The following ADRA1B variants were observed in gnomAD, a reference collection of about 807,000 sequenced individuals.
The protein encoded by ADRA1B is adrenoceptor alpha 1B.
In ADRA1B, 17 loss-of-function variants were observed where a neutral mutation model predicts 17.9. The observed-to-expected ratio is 0.95, with a 90% confidence interval of 0.65 to 1.42. The LOEUF is 1.42. ADRA1B is among the 40% of genes most tolerant of loss of function. The pLI, the probability that ADRA1B is intolerant of heterozygous loss-of-function variation, is 0.00. For synonymous variants in ADRA1B, 366 were observed against 327.6 expected (o/e 1.12, Z -1.27); for missense variants, 681 against 722.1 (o/e 0.94, Z 0.65).
the ADRA1B span, among the ~76,000 whole-genome samples, chr5:159,980,815 A>G: frequency 1.3e-5 from 2 of 152,150 alleles, no homozygotes; most frequent in Non-Finnish European, 2.9e-5. Flanking sequence ...ATTAGCCATC[A>G]GGAAAGCGCA....
chr5:159,949,324 A>G (rs111243033), intron 1 of ADRA1B, among the ~76,000 whole-genome samples: 2 of 152,214 alleles, frequency 1.3e-5, no homozygotes, highest in African/African-American at 4.8e-5. Flanking sequence ...TGCATGCAAC[A>G]TGGTTCCTGA....
chr5:159,911,130 A>G (rs1454959261), intron 1 of ADRA1B, among the ~76,000 whole-genome samples: 1 of 152,200 alleles, frequency 6.6e-6, no homozygotes, highest in Non-Finnish European at 1.5e-5. Context: ...CCTTCAAACA[A>G]GACTGCAACT....
At chr5:159,918,320 C>T (rs576182132) in intron 1 of ADRA1B, among the ~76,000 whole-genome samples, 1 of 152,308 alleles carries the variant, frequency 6.6e-6, no homozygotes, top group East Asian at 1.9e-4. Context: ...TCAGCATTTC[C>T]AGGGCTAGAG....
chr5:159,971,855 T>TGGGGGGGGGGGGGGGGGGGGGGGGGGG, intron 1 of ADRA1B, 24 bp from the exon 2 acceptor site: 1 of 435,068 alleles, frequency 2.3e-6, no homozygotes. Flanking sequence ...TTTCTGCCCG[T>TGGGGGGGGGGGGGGGGGGGGGGGGGGG]GCCCACCCCC....
chr5:159,943,436 A>G (rs1755188465), intron 1 of ADRA1B, among the ~76,000 whole-genome samples: 1 of 152,176 alleles, frequency 6.6e-6, no homozygotes. Context: ...GCTGAAAGTA[A>G]ACCCACGGGG....
At chr5:159,880,386 T>G (rs1753850312) in intron 1 of ADRA1B, among the ~76,000 whole-genome samples, 1 of 152,146 alleles carries the variant, frequency 6.6e-6, no homozygotes, top group South Asian at 2.1e-4. Context: ...AGTGCAAGAG[T>G]TTCCCATCCC....
intron 1 of ADRA1B, chr5:159,950,767 A>G: frequency 1.6e-6 from 1 of 623,934 alleles, no homozygotes; most frequent in Non-Finnish European, 3.0e-6. Flanking sequence ...ACGGCAGGTG[A>G]GGTCCATGAC....
intron 1 of ADRA1B, among the ~76,000 whole-genome samples, chr5:159,889,545 C>A (rs1187952165): frequency 6.6e-6 from 1 of 152,124 alleles, no homozygotes; most frequent in African/African-American, 2.4e-5. Context: ...CTCCATCAAT[C>A]AGAGGAGCTA....
chr5:159,866,099 G>A (rs1753649542), intron 1 of ADRA1B, among the ~76,000 whole-genome samples: 1 of 152,102 alleles, frequency 6.6e-6, no homozygotes, highest in Admixed American at 6.5e-5. Flanking sequence ...ACAAGATAAT[G>A]ATGCCCAGCC....
intron 1 of ADRA1B, among the ~76,000 whole-genome samples, chr5:159,905,090 G>A (rs1754145523): frequency 6.6e-6 from 1 of 152,222 alleles, no homozygotes; most frequent in South Asian, 2.1e-4. Context: ...AGGCCTGTAG[G>A]AAATAGGACA....
At chr5:159,913,569 G>A (rs1229347408), upstream of ADRA1B, among the ~76,000 whole-genome samples, 1 of 152,200 alleles carries the variant, frequency 6.6e-6, no homozygotes, top group Admixed American at 6.5e-5. Context: ...TCCACATCCT[G>A]ACACCTGAAT....
At chr5:159,976,781 G>C (rs529758509), downstream of ADRA1B, among the ~76,000 whole-genome samples, 2 of 152,266 alleles carry the variant, frequency 1.3e-5, no homozygotes, top group Admixed American at 6.5e-5. Context: ...ACCAAAATGG[G>C]TAAGGGAAGC....
chr5:159,945,263 A>G (rs938987224), intron 1 of ADRA1B, among the ~76,000 whole-genome samples: 12 of 152,096 alleles, frequency 7.9e-5, no homozygotes, highest in African/African-American at 2.7e-4. Flanking sequence ...GAGGTGGGAC[A>G]ATTGCTTCAA....
At chr5:159,922,089 G>A (rs1199538183) in intron 1 of ADRA1B, among the ~76,000 whole-genome samples, 1 of 152,148 alleles carries the variant, frequency 6.6e-6, no homozygotes, top group African/African-American at 2.4e-5. Context: ...TACATGCCAG[G>A]CACTGTACCA....
At chr5:159,974,932 T>C (rs1335916927), downstream of ADRA1B, among the ~76,000 whole-genome samples, 2 of 152,178 alleles carry the variant, frequency 1.3e-5, no homozygotes, top group Non-Finnish European at 2.9e-5. Flanking sequence ...TTCTGCCTCT[T>C]TGTCCAGTAC....
chr5:159,948,577 T>G (rs1353730636), intron 1 of ADRA1B: 1 of 579,856 alleles, frequency 1.7e-6, no homozygotes, highest in Non-Finnish European at 2.2e-6. Flanking sequence ...AAGCCACCCC[T>G]TAAACATAAC....
intron 1 of ADRA1B, among the ~76,000 whole-genome samples, chr5:159,932,308 C>A (rs1455318146): frequency 6.6e-6 from 1 of 152,036 alleles, no homozygotes; most frequent in East Asian, 1.9e-4. Flanking sequence ...AGGTGTGCAC[C>A]ACCACACCCA....
At position 159,950,621 on chromosome 5, in the gene ADRA1B, T is replaced by G. The variant is rs1755409259; in HGVS notation, c.950-21258T>G. The G allele has an allele frequency of 8.1e-6, 7 of 867,474 alleles. No individual in the cohort carries two copies. In the Admixed American group the frequency reaches 1.2e-4, roughly 15 times the overall value. The allele number at this position is 867,474 out of a possible 1,614,324, so 53.7% of individuals were successfully genotyped here. Reference sequence around the variant, plus strand: ...GCAATGCCGGCCCCAGCATCAAAGGTGGAGGAGTGGGTGTCTCTGTTGAAG... The same window carrying G: ...GCAATGCCGGCCCCAGCATCAAAGGGGGAGGAGTGGGTGTCTCTGTTGAAG... On this transcript the variant is annotated intron_variant, in intron 1 of 1. Coordinates refer to ENST00000306675, the MANE Select transcript of ADRA1B (RefSeq NM_000679.4).
intron 1 of ADRA1B, among the ~76,000 whole-genome samples, chr5:159,908,903 A>C (rs1754195086): frequency 6.6e-6 from 1 of 152,170 alleles, no homozygotes; most frequent in African/African-American, 2.4e-5. Flanking sequence ...TTCACACCTC[A>C]TAGCTAATTG....
Sources: gnomAD v4.1 joint callset for allele counts (sites outside exome capture counted in the v4.1 genomes callset) on GRCh38, gnomAD v4.1.1 for gene constraint, MANE v1.5 for transcripts, NCBI Gene and HGNC (gene_info 2026-07-23, HGNC 2026-07-21) for gene names.